Variants in ROBO1 observed in about 807,000 individuals in gnomAD.
ROBO1 encodes the protein roundabout homolog 1.
ROBO1 carries 149 observed loss-of-function variants against 195.9 expected under a neutral mutation model. That is an observed-to-expected ratio of 0.76 (90% CI 0.67 to 0.87). ROBO1 has a LOEUF of 0.87. Ranked by LOEUF, ROBO1 falls within the 40% of genes least tolerant of loss-of-function variation. The probability of loss-of-function intolerance (pLI) is 0.00; values close to 1 mark genes in which losing one functional copy is unlikely to be tolerated. For missense variants in ROBO1, 1,933 were observed against 2,068.3 expected, an observed-to-expected ratio of 0.93 and a Z score of 1.27; for synonymous variants, 816 against 733.2, an observed-to-expected ratio of 1.11 and a Z score of -1.82.
intron 2 of ROBO1, among the ~76,000 whole-genome samples, chr3:79,350,472 T>G (rs1022973345): frequency 6.6e-6 from 1 of 152,160 alleles, no homozygotes; most frequent in Admixed American, 6.6e-5. Flanking sequence ...CATGTCCATA[T>G]AAAAACTTGT....
At chr3:79,102,409 AATC>A (rs2079695007) in intron 3 of ROBO1, among the ~76,000 whole-genome samples, 1 of 151,770 alleles carries the variant, frequency 6.6e-6, no homozygotes, top group Non-Finnish European at 1.5e-5. Context: ...CAAGGTTTTC[AATC>A]ATAAGAGAGG....
intron 4 of ROBO1, among the ~76,000 whole-genome samples, chr3:78,833,489 A>C (rs546600394): frequency 2.6e-5 from 4 of 152,320 alleles, no homozygotes; most frequent in Non-Finnish European, 5.9e-5. Context: ...TAATTATACA[A>C]AACAATGAAA....
intron 2 of ROBO1, among the ~76,000 whole-genome samples, chr3:79,492,830 T>C (rs1339964048): frequency 6.6e-6 from 1 of 152,130 alleles, no homozygotes; most frequent in Non-Finnish European, 1.5e-5. Context: ...ATTGATAGGA[T>C]AATTTCAAAA....
intron 3 of ROBO1, among the ~76,000 whole-genome samples, chr3:78,963,075 T>C (rs1321857758): frequency 6.7e-6 from 1 of 148,316 alleles, no homozygotes; most frequent in Non-Finnish European, 1.5e-5. Flanking sequence ...ATTGGATACA[T>C]GTGATCTCAT....
At chr3:79,234,331 A>G (rs568379353) in intron 2 of ROBO1, among the ~76,000 whole-genome samples, 2 of 152,266 alleles carry the variant, frequency 1.3e-5, no homozygotes, top group South Asian at 4.1e-4. Context: ...TCTTACATTT[A>G]AATCGTTAAG....
chr3:78,802,089 C>T (rs761652332), intron 4 of ROBO1, among the ~76,000 whole-genome samples: 4 of 152,080 alleles, frequency 2.6e-5, no homozygotes, highest in Non-Finnish European at 5.9e-5. Flanking sequence ...ATGCAATTAA[C>T]ATCAGATGAT....
chr3:79,613,131 G>GA (rs1181399177), intron 1 of ROBO1, among the ~76,000 whole-genome samples: 1 of 2,934 alleles, frequency 3.4e-4, no homozygotes, highest in Non-Finnish European at 6.2e-4. Context: ...CAAAAGGACT[G>GA]GGAAAGACTG....
chr3:78,972,056 G>A (rs1418175009), intron 3 of ROBO1, among the ~76,000 whole-genome samples: 4 of 152,254 alleles, frequency 2.6e-5, no homozygotes, highest in African/African-American at 7.2e-5. Flanking sequence ...GTGAGCCGCC[G>A]CGCCCGGCCT....
chr3:78,643,231 T>C (rs1031587331), intron 21 of ROBO1, among the ~76,000 whole-genome samples: 1 of 152,158 alleles, frequency 6.6e-6, no homozygotes, highest in Non-Finnish European at 1.5e-5. Context: ...ACTCTGCCAA[T>C]GTGGCTCAAA....
chr3:79,514,340 T>A (rs1444862736), intron 2 of ROBO1, among the ~76,000 whole-genome samples: 1 of 152,192 alleles, frequency 6.6e-6, no homozygotes, highest in Non-Finnish European at 1.5e-5. Flanking sequence ...TCTCTCATAT[T>A]TTTACAGCCT....
At chr3:79,716,202 A>C (rs1421797803) in intron 1 of ROBO1, among the ~76,000 whole-genome samples, 2 of 152,024 alleles carry the variant, frequency 1.3e-5, no homozygotes, top group Non-Finnish European at 2.9e-5. Flanking sequence ...ATGAGTGCTA[A>C]GATAAATATG....
chr3:79,053,676 C>A (rs980526892), intron 3 of ROBO1, among the ~76,000 whole-genome samples: 2 of 151,922 alleles, frequency 1.3e-5, no homozygotes, highest in African/African-American at 2.4e-5. Flanking sequence ...TCCCCCAATA[C>A]CCCTTTCTCA....
At chr3:79,396,718 G>C (rs1021447931) in intron 2 of ROBO1, among the ~76,000 whole-genome samples, 1 of 152,056 alleles carries the variant, frequency 6.6e-6, no homozygotes, top group African/African-American at 2.4e-5. Flanking sequence ...ACTGTAAAAT[G>C]AGTCAAAAGT....
At chr3:78,767,260 T>A (rs2108401368) in intron 4 of ROBO1, among the ~76,000 whole-genome samples, 1 of 152,088 alleles carries the variant, frequency 6.6e-6, no homozygotes. Context: ...GACTTTTTTT[T>A]TTTGTCGGTA....
chr3:79,636,871 C>G (rs73849660), intron 1 of ROBO1, among the ~76,000 whole-genome samples: 2,425 of 152,248 alleles, frequency 0.016, 59 homozygotes, highest in African/African-American at 0.056. Context: ...AAAAGCCGAA[C>G]TATGAAGGAA....
chr3:79,300,513 G>A (rs1428989739), intron 2 of ROBO1, among the ~76,000 whole-genome samples: 2 of 152,188 alleles, frequency 1.3e-5, no homozygotes, highest in Non-Finnish European at 2.9e-5. Context: ...CCCCTCCGTG[G>A]GCTCCTGTGC....
chr3:79,317,415 C>G (rs1410059410), intron 2 of ROBO1, among the ~76,000 whole-genome samples: 1 of 152,024 alleles, frequency 6.6e-6, no homozygotes, highest in African/African-American at 2.4e-5. Context: ...TTCCATATCT[C>G]CATATTTTAT....
intron 4 of ROBO1, among the ~76,000 whole-genome samples, chr3:78,800,504 A>G (rs1314152176): frequency 6.6e-6 from 1 of 152,150 alleles, no homozygotes; most frequent in Non-Finnish European, 1.5e-5. Context: ...ACTAAAAATA[A>G]TACTATCCAC....
At chr3:79,394,483 AAC>A (rs1161351732) in intron 2 of ROBO1, among the ~76,000 whole-genome samples, 3 of 152,050 alleles carry the variant, frequency 2.0e-5, no homozygotes, top group Non-Finnish European at 2.9e-5. Context: ...TTTATATATA[AAC>A]ACAATATATA....
Sources: gnomAD v4.1 joint callset for allele counts (sites outside exome capture counted in the v4.1 genomes callset) on GRCh38, gnomAD v4.1.1 for gene constraint, MANE v1.5 for transcripts, NCBI Gene and HGNC (gene_info 2026-07-23, HGNC 2026-07-21) for gene names.